Variants in TET1 observed in about 807,000 individuals in gnomAD.
The protein encoded by TET1 is methylcytosine dioxygenase TET1.
Under a neutral mutation model 148.7 loss-of-function variants are expected in TET1, and 13 were observed. The observed-to-expected ratio is 0.09, with a 90% CI of 0.06 to 0.14. The LOEUF is 0.14. TET1 is among the 10% of genes least tolerant of loss of function. TET1 has a pLI of 1.00. For missense variants in TET1, 2,182 were observed against 2,553.8 expected (o/e 0.85, Z 3.14); for synonymous variants, 907 against 937.2 (o/e 0.97, Z 0.59).
intron 3 of TET1, among the ~76,000 whole-genome samples, chr10:68,636,796 T>A (rs1345071101): frequency 1.3e-5 from 2 of 152,052 alleles, no homozygotes; most frequent in Admixed American, 1.3e-4. Flanking sequence ...GAGTCTAGGG[T>A]CACACAGTTT....
rs138957422 is a variant in TET1 at position 68,615,356 on chromosome 10, C to CTTTTCTTTCTTTT, written c.1968+14326_1968+14327insCTTTCTTTTTTTT. ...TTCAGAATGGTGTTTCTTTTCTTTT[C>CTTTTCTTTCTTTT]TTTTTTTGAGATGGAGACTCACTCT... is the stretch of plus-strand genomic sequence containing the variant. On this transcript the variant is annotated intron_variant, in intron 3 of 11. Transcript: ENST00000373644. 4.5e-3 allele frequency among the ~76,000 whole-genome samples: 651 copies of CTTTTCTTTCTTTT among 145,358 alleles called. 6 individuals carry two copies. Among genetic ancestry groups the CTTTTCTTTCTTTT allele is most frequent in the African/African-American group, 0.016 (615 of 39,546 alleles).
intron 3 of TET1, among the ~76,000 whole-genome samples, chr10:68,626,101 A>AAAAAAG (rs1223006114): frequency 1.7e-4 from 4 of 23,700 alleles, no homozygotes; most frequent in Non-Finnish European, 3.4e-4. Flanking sequence ...AAAAAAAGAA[A>AAAAAAG]AAAAAAAAGA....
rs10998298 is a variant in TET1 at position 68,578,781 on chromosome 10, A to T, written c.1914+4529A>T. Among the ~76,000 whole-genome samples the T allele has an allele frequency of 3.8e-3, 571 of 151,874 alleles. 4 individuals are homozygous for T. The highest frequency in any genetic ancestry group is 0.013 in the African/African-American group (542 of 41,406). On this transcript the variant is annotated intron_variant, in intron 2 of 11. Transcript: ENST00000373644. Reference sequence around the variant, plus strand: ...GCTTTTGCTTTGAATAGTGTTGCTAATTGCCAATTTCTGGTCTAACTTGGG... The same window carrying T: ...GCTTTTGCTTTGAATAGTGTTGCTATTTGCCAATTTCTGGTCTAACTTGGG...
At chr10:68,677,797 T>G (rs926081479) in intron 8 of TET1, among the ~76,000 whole-genome samples, 6 of 150,214 alleles carry the variant, frequency 4.0e-5, no homozygotes, top group Non-Finnish European at 7.4e-5. Flanking sequence ...ATTTTGTATT[T>G]TTAGTATAGA....
At chr10:68,621,616 T>C (rs2054372776) in intron 3 of TET1, among the ~76,000 whole-genome samples, 1 of 152,138 alleles carries the variant, frequency 6.6e-6, no homozygotes, top group Non-Finnish European at 1.5e-5. Flanking sequence ...AAAATCTGGC[T>C]GATTAAATAC....
Position 68,682,957 on chromosome 10 carries a change from A to G in TET1, c.5036A>G (p.Asn1679Ser). The G allele has an allele frequency of 3.7e-6, 6 of 1,613,872 alleles. No homozygotes were observed. The highest frequency in any genetic ancestry group is 5.1e-6 in the Non-Finnish European group (6 of 1,179,990). Reference protein sequence around the residue: ...AHPHRDIHNMNNGSTVVCTLT... With the variant: ...AHPHRDIHNMSNGSTVVCTLT... ...CCCCACAGGGACATTCACAACATGA[A>G]TAATGGAAGCACTGTGGTATGTACC... Residue 1679 changes from asparagine to serine, a missense_variant, in exon 10 of 12, where the codon AAT becomes AGT. Transcript: ENST00000373644.
intron 6 of TET1, among the ~76,000 whole-genome samples, chr10:68,664,073 C>G (rs1415663297): frequency 2.0e-5 from 3 of 151,996 alleles, no homozygotes; most frequent in African/African-American, 7.3e-5. Context: ...AGTCTTGGCT[C>G]GCTGCAACCT....
chr10:68,645,749 T>C lies in TET1; in HGVS notation c.3020T>C (p.Ile1007Thr). 6.2e-7 allele frequency: 1 copy of C among 1,614,202 alleles called. No homozygotes were observed. Among genetic ancestry groups the C allele is most frequent in the Non-Finnish European group, 8.5e-7 (1 of 1,180,032 alleles). The change falls in exon 4 of 12, where the codon ATA becomes ACA. Residue 1007 changes from isoleucine to threonine, a missense_variant. By Grantham distance (89) the Ile-to-Thr change is moderately conservative. Transcript: ENST00000373644. ...GTCACAAATTCATTATCTCTTTTTA[T>C]ACCAAAATCAAATTCATCCAAGATT... ...SKVTNSLSLF[I>T]PKSNSSKIDT...
chr10:68,686,296 G>A (rs1412994794), intron 10 of TET1, 60 bp from the exon 11 acceptor site: 1 of 1,412,104 alleles, frequency 7.1e-7, no homozygotes, highest in African/African-American at 1.4e-5. Flanking sequence ...GGTAGGAATA[G>A]CCACAATGAA....
intron 3 of TET1, among the ~76,000 whole-genome samples, chr10:68,608,815 C>T (rs1470556091): frequency 6.6e-6 from 1 of 152,152 alleles, no homozygotes; most frequent in Non-Finnish European, 1.5e-5. Context: ...GGATTACAGG[C>T]ATGAGCCAAC....
chr10:68,687,257 T>A (rs1037352599), intron 11 of TET1, among the ~76,000 whole-genome samples: 1 of 150,528 alleles, frequency 6.6e-6, no homozygotes, highest in Non-Finnish European at 1.5e-5. Flanking sequence ...TGGGGAGGGG[T>A]CTCACTTTAT....
At chr10:68,607,135 G>T (rs1032882449) in intron 3 of TET1, among the ~76,000 whole-genome samples, 1 of 151,154 alleles carries the variant, frequency 6.6e-6, no homozygotes, top group African/African-American at 2.4e-5. Flanking sequence ...GCCAAATGGA[G>T]TTGGACGGGT....
chr10:68,657,489 A>G (rs1057342029), intron 6 of TET1, among the ~76,000 whole-genome samples: 54 of 152,112 alleles, frequency 3.6e-4, no homozygotes, highest in Non-Finnish European at 7.8e-4. Flanking sequence ...AATTTTTTAA[A>G]TTAGCCAACT....
In TET1 at chr10:68,574,049, A is replaced by G. The variant is rs1171553609; in HGVS notation, c.1711A>G (p.Thr571Ala). The part of the protein sequence containing the change: ...VVTMPVPMVS[T>A]SSSSYTTLLP... Reference sequence around the variant, plus strand: ...GACTATGCCAGTGCCAATGGTCAGTACCTCCTCTTCTTCCTATACCACTTT... The same window carrying G: ...GACTATGCCAGTGCCAATGGTCAGTGCCTCCTCTTCTTCCTATACCACTTT... Residue 571 changes from threonine (T) to alanine (A), a missense_variant, in exon 2 of 12, where the codon ACC becomes GCC. Coordinates refer to ENST00000373644, the MANE Select transcript of TET1 (RefSeq NM_030625.3). 1.2e-6 allele frequency: 2 copies of G among 1,614,090 alleles called. No individual in the cohort carries two copies. Among genetic ancestry groups the G allele is most frequent in the Non-Finnish European group, 1.7e-6 (2 of 1,180,024 alleles).
chr10:68,638,382 T>A (rs2054686431), intron 3 of TET1, among the ~76,000 whole-genome samples: 1 of 152,218 alleles, frequency 6.6e-6, no homozygotes, highest in Non-Finnish European at 1.5e-5. Context: ...AATAATTTGG[T>A]CTTTCCTCAA....
At chr10:68,689,332 A>G (rs1225506040) in intron 11 of TET1, among the ~76,000 whole-genome samples, 1 of 152,212 alleles carries the variant, frequency 6.6e-6, no homozygotes, top group African/African-American at 2.4e-5. Flanking sequence ...ATTTTTAATT[A>G]CTTTAAAACA....
intron 3 of TET1, chr10:68,632,736 G>A: frequency 1.3e-6 from 2 of 1,597,928 alleles, no homozygotes; most frequent in Non-Finnish European, 1.7e-6. Context: ...GAACAATCTT[G>A]AGCATAGAAA....
intron 3 of TET1, among the ~76,000 whole-genome samples, chr10:68,612,482 C>T (rs1323659329): frequency 6.6e-6 from 1 of 152,038 alleles, no homozygotes; most frequent in Non-Finnish European, 1.5e-5. Flanking sequence ...TCCACTGATC[C>T]CCGGAGTTTG....
At chr10:68,675,089 A>G (rs1430638900) in intron 8 of TET1, 2 of 574,938 alleles carry the variant, frequency 3.5e-6, no homozygotes, top group African/African-American at 2.1e-5. Context: ...ATGAACCACT[A>G]GTCCAAGAAT....
Sources: allele counts gnomAD v4.1 joint callset (sites outside exome capture counted in the v4.1 genomes callset), GRCh38; gene constraint gnomAD v4.1.1; transcripts MANE v1.5; gene names NCBI Gene and HGNC (gene_info 2026-07-23, HGNC 2026-07-21).